Variants in TSPAN18 observed in about 807,000 individuals in gnomAD.
TSPAN18 encodes the protein tetraspanin 18.
In TSPAN18, 14 loss-of-function variants were observed where a neutral mutation model predicts 27.3. That is an observed-to-expected ratio of 0.51 (90% CI 0.34 to 0.80). The LOEUF (loss-of-function observed/expected upper bound fraction) is 0.80. TSPAN18 is among the 30% of genes least tolerant of loss of function. The probability of loss-of-function intolerance (pLI) is 0.01; values close to 1 mark genes in which losing one functional copy is unlikely to be tolerated. For missense variants in TSPAN18, 268 were observed against 323.9 expected, an observed-to-expected ratio of 0.83 and a Z score of 1.32; for synonymous variants, 143 against 136.5, an observed-to-expected ratio of 1.05 and a Z score of -0.33.
At chr11:44,904,886 T>C (rs1451932225) in intron 3 of TSPAN18, among the ~76,000 whole-genome samples, 1 of 152,162 alleles carries the variant, frequency 6.6e-6, no homozygotes, top group East Asian at 1.9e-4. Context: ...CTACAAGCTG[T>C]GTGGCCTTGG....
At chr11:44,908,770 A>AAAG (rs3051416) in intron 4 of TSPAN18, among the ~76,000 whole-genome samples, 6,148 of 19,414 alleles carry the variant, frequency 0.32, 688 homozygotes, top group East Asian at 0.46. Context: ...GAGAGAAAGG[A>AAAG]GAAAGAAAGA....
intron 1 of TSPAN18, among the ~76,000 whole-genome samples, chr11:44,730,851 C>T (rs1353876196): frequency 1.3e-5 from 2 of 150,822 alleles, no homozygotes; most frequent in South Asian, 4.2e-4. Flanking sequence ...GTCGCAAACT[C>T]CTGACCTCGT....
chr11:44,770,379 C>A (rs184370691), intron 2 of TSPAN18, among the ~76,000 whole-genome samples: 5 of 152,216 alleles, frequency 3.3e-5, no homozygotes, highest in Admixed American at 3.3e-4. Context: ...CAATGAGGAA[C>A]AAGCCTTGAC....
intron 3 of TSPAN18, among the ~76,000 whole-genome samples, chr11:44,896,262 C>T (rs1345426410): frequency 2.6e-5 from 4 of 152,168 alleles, no homozygotes; most frequent in African/African-American, 9.7e-5. Flanking sequence ...AGAGAAAGCA[C>T]TTTCTGTAAA....
At chr11:44,879,472 G>T (rs1164222742) in intron 3 of TSPAN18, among the ~76,000 whole-genome samples, 1 of 152,240 alleles carries the variant, frequency 6.6e-6, no homozygotes, top group Non-Finnish European at 1.5e-5. Context: ...TGTGAGAGGG[G>T]CTTAGGGAAG....
intron 2 of TSPAN18, among the ~76,000 whole-genome samples, chr11:44,798,087 C>G (rs921840629): frequency 3.9e-5 from 6 of 152,328 alleles, no homozygotes; most frequent in African/African-American, 1.4e-4. Context: ...TAGAAAGGCT[C>G]TTCAGGCCAG....
chr11:44,891,601 C>T (rs952982969), intron 3 of TSPAN18, among the ~76,000 whole-genome samples: 2 of 152,156 alleles, frequency 1.3e-5, no homozygotes, highest in Non-Finnish European at 2.9e-5. Context: ...CAGGTGTTGC[C>T]AGAAGCTCTG....
At chr11:44,765,046 CCTT>C (rs1262372398) in intron 2 of TSPAN18, among the ~76,000 whole-genome samples, 1 of 152,172 alleles carries the variant, frequency 6.6e-6, no homozygotes, top group Non-Finnish European at 1.5e-5. Context: ...TCTGGGAAGT[CCTT>C]CTTGAGCTGA....
At chr11:44,855,146 A>C (rs1857701820) in intron 2 of TSPAN18, among the ~76,000 whole-genome samples, 1 of 149,688 alleles carries the variant, frequency 6.7e-6, no homozygotes, top group South Asian at 2.1e-4. Flanking sequence ...ATTCATCCTG[A>C]AGGTTTTTTT....
At chr11:44,911,107 CTGGGCTG>C (rs1859695345) in intron 5 of TSPAN18, among the ~76,000 whole-genome samples, 1 of 152,224 alleles carries the variant, frequency 6.6e-6, no homozygotes, top group African/African-American at 2.4e-5. Context: ...TGGAGAACTT[CTGGGCTG>C]AGCCCAGTCC....
intron 6 of TSPAN18, 61 bp downstream of exon 6, chr11:44,918,107 C>G (rs1859981266): frequency 1.9e-6 from 3 of 1,546,752 alleles, no homozygotes; most frequent in Non-Finnish European, 8.9e-7. Context: ...GGTGGCCATT[C>G]AGGTCTGGCT....
At position 44,930,299 on chromosome 11, in the gene TSPAN18, G is replaced by C. The variant is rs1361261234; in HGVS notation, c.*1121G>C. 3 of 153,236 alleles carry C rather than the reference G, an allele frequency of 2.0e-5. No individual in the cohort carries two copies. The highest frequency in any genetic ancestry group is 2.9e-5 in the Non-Finnish European group (2 of 68,838). 9.5% of individuals were successfully genotyped at this position (153,236 alleles called of 1,614,324 possible). On this transcript the variant is annotated 3_prime_UTR_variant, in exon 10 of 10. Transcript: ENST00000520358. Reference sequence around the variant, plus strand: ...TCTTGCATACCTCCAGGGACAGAGAGCTTACTACCTCCCAAGGCAGCCTCC... The same window carrying C: ...TCTTGCATACCTCCAGGGACAGAGACCTTACTACCTCCCAAGGCAGCCTCC...
chr11:44,764,583 T>G (rs1370357525), intron 2 of TSPAN18, 71 bp downstream of exon 2: 1 of 152,282 alleles, frequency 6.6e-6, no homozygotes, highest in African/African-American at 2.4e-5. Flanking sequence ...TTCTCTCTTC[T>G]TCTCTTCCTG....
intron 3 of TSPAN18, among the ~76,000 whole-genome samples, chr11:44,873,591 T>C (rs1858251343): frequency 1.3e-5 from 2 of 152,164 alleles, no homozygotes; most frequent in Admixed American, 1.3e-4. Context: ...AGGAGGAAAT[T>C]CTAAGGAGAT....
chr11:44,802,748 A>C (rs1162190314), intron 2 of TSPAN18, among the ~76,000 whole-genome samples: 1 of 152,176 alleles, frequency 6.6e-6, no homozygotes. Flanking sequence ...CAGTTTGTCC[A>C]AACTGGTTCC....
intron 1 of TSPAN18, among the ~76,000 whole-genome samples, chr11:44,752,537 A>G (rs1331537086): frequency 2.0e-5 from 3 of 150,930 alleles, no homozygotes; most frequent in Admixed American, 1.3e-4. Flanking sequence ...TTACAACTCA[A>G]TTTGTTGAAA....
intron 5 of TSPAN18, among the ~76,000 whole-genome samples, chr11:44,911,255 G>A (rs982813631): frequency 3.3e-5 from 5 of 152,122 alleles, no homozygotes; most frequent in African/African-American, 9.7e-5. Flanking sequence ...TGGTTGGCTG[G>A]GGGGCTCCCT....
intron 3 of TSPAN18, among the ~76,000 whole-genome samples, chr11:44,873,180 G>A (rs1371852212): frequency 1.3e-5 from 2 of 152,228 alleles, no homozygotes; most frequent in African/African-American, 4.8e-5. Flanking sequence ...TGGTCCCTTG[G>A]CAGCACAGGG....
At chr11:44,808,289 C>T (rs1417881382) in intron 2 of TSPAN18, among the ~76,000 whole-genome samples, 2 of 152,200 alleles carry the variant, frequency 1.3e-5, no homozygotes, top group Non-Finnish European at 2.9e-5. Flanking sequence ...GAAACCTCTA[C>T]CATCTTCCTC....
Sources: gnomAD v4.1 joint callset for allele counts (sites outside exome capture counted in the v4.1 genomes callset) on GRCh38, gnomAD v4.1.1 for gene constraint, MANE v1.5 for transcripts, NCBI Gene and HGNC (gene_info 2026-07-23, HGNC 2026-07-21) for gene names.